The following CDH20 variants were observed in gnomAD, a reference collection of about 807,000 sequenced individuals.
CDH20 encodes cadherin 20.
In CDH20, 29 loss-of-function variants were observed where a neutral mutation model predicts 74.2. The ratio of observed to expected loss-of-function variants is 0.39; its 90% CI spans 0.29 to 0.53. The LOEUF is 0.53. Among genes scored for constraint, CDH20 ranks in the 20% least tolerant of loss-of-function variants. CDH20 has a pLI of 0.69. For missense variants in CDH20, 988 were observed against 1,048.3 expected, an observed-to-expected ratio of 0.94 and a Z score of 0.79; for synonymous variants, 469 against 405.4, an observed-to-expected ratio of 1.16 and a Z score of -1.88.
intron 11 of CDH20, among the ~76,000 whole-genome samples, chr18:61,551,899 C>T (rs1024645807): frequency 6.6e-6 from 1 of 152,206 alleles, no homozygotes; most frequent in South Asian, 2.1e-4. Flanking sequence ...TGGAGAGGCT[C>T]TCAAGTTAAA....
At chr18:61,420,949 G>T (rs1309449473) in intron 1 of CDH20, among the ~76,000 whole-genome samples, 2 of 152,180 alleles carry the variant, frequency 1.3e-5, no homozygotes, top group African/African-American at 4.8e-5. Context: ...TACTTGGGAG[G>T]CTGAGGCAGG....
At chr18:61,490,883 A>T in intron 2 of CDH20, 84 bp downstream of exon 2, 1 of 1,447,778 alleles carries the variant, frequency 6.9e-7, no homozygotes. Context: ...CCTAGCCTTT[A>T]TCTGAGACCT....
chr18:61,497,308 T>C (rs781234711), intron 2 of CDH20, among the ~76,000 whole-genome samples: 14 of 152,190 alleles, frequency 9.2e-5, no homozygotes, highest in Admixed American at 2.6e-4. Flanking sequence ...TGGCCTTGAG[T>C]CAATCTGAGA....
At chr18:61,497,040 G>T (rs1316896506) in intron 2 of CDH20, among the ~76,000 whole-genome samples, 1 of 144,406 alleles carries the variant, frequency 6.9e-6, no homozygotes, top group Non-Finnish European at 1.5e-5. Context: ...TACACAACAA[G>T]AGATGGGCAC....
At chr18:61,537,818 G>C (rs888616279) in intron 8 of CDH20, among the ~76,000 whole-genome samples, 1 of 152,134 alleles carries the variant, frequency 6.6e-6, no homozygotes, top group Non-Finnish European at 1.5e-5. Context: ...AAGTATTTAG[G>C]GGGGAAAGAG....
chr18:61,441,298 G>C (rs1347742901), intron 1 of CDH20, among the ~76,000 whole-genome samples: 1 of 151,858 alleles, frequency 6.6e-6, no homozygotes, highest in Non-Finnish European at 1.5e-5. Context: ...ACTCAGTGGT[G>C]GTATTCTAAT....
chr18:61,447,919 C>T (rs750015481), intron 1 of CDH20, among the ~76,000 whole-genome samples: 23 of 152,162 alleles, frequency 1.5e-4, no homozygotes, highest in Non-Finnish European at 3.1e-4. Flanking sequence ...CCTGGGCAGC[C>T]GATTTCTACC....
Position 61,499,217 on chromosome 18 carries a change from C to T in CDH20, c.278C>T (p.Ser93Phe), listed in dbSNP as rs1194504167. Residue 93 changes from serine (S) to phenylalanine (F), a missense_variant, in exon 3 of 12, where the codon TCC (serine) becomes TTC (phenylalanine). Around this residue, in one of 2 missense-constraint regions of CDH20, gnomAD observed 613 missense variants for 755.2 expected, o/e 0.81. Transcript: ENST00000262717. The part of the protein sequence containing the change: ...LHSDMDRGDG[S>F]IKYILSGEGA... Reference sequence around the variant, plus strand: ...TCAGATATGGACAGGGGAGACGGATCCATCAAATACATCCTCTCGGGAGAA... The same window carrying T: ...TCAGATATGGACAGGGGAGACGGATTCATCAAATACATCCTCTCGGGAGAA... 1 of 1,601,818 alleles carries T rather than the reference C, an allele frequency of 6.2e-7. No individual in the cohort carries two copies. The highest frequency in any genetic ancestry group is 1.1e-5 in the South Asian group (1 of 90,012).
chr18:61,470,559 C>T (rs1194841736), intron 1 of CDH20, among the ~76,000 whole-genome samples: 5 of 151,824 alleles, frequency 3.3e-5, no homozygotes, highest in Non-Finnish European at 7.4e-5. Flanking sequence ...GGCTGAGATG[C>T]CTGCTCATTC....
At chr18:61,425,087 G>A (rs867458934) in intron 1 of CDH20, among the ~76,000 whole-genome samples, 7 of 124,072 alleles carry the variant, frequency 5.6e-5, no homozygotes, top group Middle Eastern at 4.1e-3. Context: ...CACTCACTCC[G>A]GCTCTAGGTA....
At chr18:61,443,965 C>A (rs1162366450) in intron 1 of CDH20, among the ~76,000 whole-genome samples, 2 of 152,094 alleles carry the variant, frequency 1.3e-5, no homozygotes, top group Non-Finnish European at 2.9e-5. Context: ...TCTCCAGTGA[C>A]TCCCAGTGCA....
chr18:61,518,806 G>T (rs932665350), intron 6 of CDH20, among the ~76,000 whole-genome samples: 1 of 151,028 alleles, frequency 6.6e-6, no homozygotes, highest in Non-Finnish European at 1.5e-5. Context: ...CAGAAAGTGG[G>T]TAATAACAAA....
chr18:61,397,572 C>T (rs1196494878), intron 1 of CDH20, among the ~76,000 whole-genome samples: 1 of 152,134 alleles, frequency 6.6e-6, no homozygotes, highest in Non-Finnish European at 1.5e-5. Flanking sequence ...CTGCTTGTTA[C>T]AGCTCATCAT....
In CDH20 at chr18:61,555,391, C is replaced by T. The variant is rs1394110449; in HGVS notation, c.*696C>T. 1.0e-6 allele frequency: 1 copy of T among 985,348 alleles called. No homozygotes were observed. Among genetic ancestry groups the T allele is most frequent in the Non-Finnish European group, 1.2e-6 (1 of 829,964 alleles). 61.0% of individuals were successfully genotyped at this position (985,348 alleles called of 1,614,324 possible). The stretch of plus-strand genomic sequence containing the variant: ...CATCCAACGCCATCAAGTTAGAGTG[C>T]TCGTGTCTCCTCTCAGCTATTTAAC... On this transcript the variant is annotated 3_prime_UTR_variant, in exon 12 of 12. Coordinates refer to ENST00000262717, the MANE Select transcript of CDH20 (RefSeq NM_031891.4).
intron 1 of CDH20, among the ~76,000 whole-genome samples, chr18:61,411,311 G>A (rs1001453129): frequency 6.6e-6 from 1 of 152,128 alleles, no homozygotes; most frequent in Non-Finnish European, 1.5e-5. Context: ...TGGTGGGAAT[G>A]TAAACTAGTA....
At chr18:61,414,627 G>C (rs1350579559) in intron 1 of CDH20, among the ~76,000 whole-genome samples, 1 of 152,022 alleles carries the variant, frequency 6.6e-6, no homozygotes, top group Non-Finnish European at 1.5e-5. Context: ...ATATAGTATA[G>C]TAATTCTGTC....
chr18:61,499,213 G>T lies in CDH20; in HGVS notation c.274G>T (p.Gly92Ter). 1 of 1,599,804 alleles carries T rather than the reference G, an allele frequency of 6.3e-7. No homozygotes were observed. The highest frequency in any genetic ancestry group is 8.5e-7 in the Non-Finnish European group (1 of 1,170,868). The stretch of plus-strand genomic sequence containing the variant: ...TCATTCAGATATGGACAGGGGAGAC[G>T]GATCCATCAAATACATCCTCTCGGG... ...KLHSDMDRGD[G>*]SIKYILSGEG... The change falls in exon 3 of 12, where the codon GGA becomes TGA. Residue 92 changes from glycine to a stop codon, truncating the protein, a stop_gained. Transcript: ENST00000262717. LOFTEE classifies it high-confidence loss of function.
At chr18:61,358,116 C>CTT (rs778820209) in intron 1 of CDH20, among the ~76,000 whole-genome samples, 1 of 138,178 alleles carries the variant, frequency 7.2e-6, no homozygotes, top group Non-Finnish European at 1.6e-5. Flanking sequence ...GTTATTGTTC[C>CTT]TTTTTTTTTT....
intron 7 of CDH20, among the ~76,000 whole-genome samples, chr18:61,529,623 A>G (rs1388912115): frequency 6.6e-6 from 1 of 152,204 alleles, no homozygotes; most frequent in Non-Finnish European, 1.5e-5. Context: ...TCACAATGAA[A>G]ACAAAACATT....
Sources: gnomAD v4.1 joint callset for allele counts (sites outside exome capture counted in the v4.1 genomes callset) on GRCh38, gnomAD v4.1.1 for gene constraint, gnomAD v4.1.1 regional missense constraint, MANE v1.5 for transcripts, NCBI Gene and HGNC (gene_info 2026-07-23, HGNC 2026-07-21) for gene names.